The following NBEAL2 variants were observed in gnomAD, a reference collection of about 807,000 sequenced individuals.
The protein encoded by NBEAL2 is neurobeachin like 2, also known as neurobeachin-like protein 2.
NBEAL2 carries 160 observed loss-of-function variants against 299.8 expected under a neutral mutation model. The ratio of observed to expected loss-of-function variants is 0.53; its 90% CI spans 0.47 to 0.61. The LOEUF is 0.61. Among genes scored for constraint, NBEAL2 ranks in the 20% least tolerant of loss-of-function variants. The probability of loss-of-function intolerance (pLI) is 0.00; values close to 1 mark genes in which losing one functional copy is unlikely to be tolerated. For synonymous variants in NBEAL2, 1,493 were observed against 1,542.3 expected, an observed-to-expected ratio of 0.97 and a Z score of 0.75; for missense variants, 3,112 against 3,649.0, an observed-to-expected ratio of 0.85 and a Z score of 3.79.
Position 47,003,685 on chromosome 3 carries a change from G to C in NBEAL2, c.5721-131G>C. The C allele has an allele frequency of 8.1e-7, 1 of 1,239,838 alleles. No individual in the cohort carries two copies. Among genetic ancestry groups the C allele is most frequent in the Non-Finnish European group, 1.1e-6 (1 of 910,612 alleles). The allele number at this position is 1,239,838 out of a possible 1,614,324, so 76.8% of individuals were successfully genotyped here. A position where few individuals can be genotyped will look rare whatever the true frequency, so the allele number is the denominator to read the frequency against. On this transcript the variant is annotated intron_variant, in intron 35 of 53. Coordinates refer to ENST00000450053, the MANE Select transcript of NBEAL2 (RefSeq NM_015175.3). This position sits in a 1 kb window ranked among gnomAD's most constrained non-coding sequence, Gnocchi z 7.0. ...TGGGACCAGTAGGTTCTGGACCCTA[G>C]GCAGCCCCTCCCCATCTCTGGGAGT... is the stretch of plus-strand genomic sequence containing the variant.
At position 47,005,627 on chromosome 3, in the gene NBEAL2, T is replaced by A. The variant is rs1470404050; in HGVS notation, c.6691+8T>A. ...TCCTGGAGAACCAGAACGGTAGGTG[T>A]GAGGTGCTCACACTGGAGCGGGCAG... On this transcript the variant is annotated splice_region_variant and intron_variant, in intron 41 of 53. Transcript: ENST00000450053. The A allele has an allele frequency of 8.1e-6, 13 of 1,613,352 alleles. No homozygotes were observed. The highest frequency in any genetic ancestry group is 1.1e-5 in the Non-Finnish European group (13 of 1,179,788).
At position 46,999,360 on chromosome 3, in the gene NBEAL2, C is replaced by T. The variant is rs199773537; in HGVS notation, c.3589C>T (p.Arg1197Cys). The change falls in exon 25 of 54, where the codon CGC (arginine) becomes TGC (cysteine). Residue 1197 changes from arginine (R) to cysteine (C), a missense_variant. Around this residue, in one of 3 missense-constraint regions of NBEAL2, gnomAD observed 2,243 missense variants for 2,538.1 expected, o/e 0.88. Coordinates refer to ENST00000450053, the MANE Select transcript of NBEAL2 (RefSeq NM_015175.3). Reference sequence around the variant, plus strand: ...GAATGAGCGGCTACCTGAGCGGAGCCGCCAGCGCCTCCGGCTGCGGGAGTG... The same window carrying T: ...GAATGAGCGGCTACCTGAGCGGAGCTGCCAGCGCCTCCGGCTGCGGGAGTG... ...QQNERLPERS[R>C]QRLRLRECGL... 1.7e-5 allele frequency: 28 copies of T among 1,611,180 alleles called. No homozygotes were observed. The highest frequency in any genetic ancestry group is 1.0e-4 in the Admixed American group (6 of 59,814).
At position 46,988,954 on chromosome 3, in the gene NBEAL2, T is replaced by C; in HGVS notation, c.253T>C (p.Phe85Leu). The change falls in exon 3 of 54, where the codon TTC becomes CTC. Residue 85 changes from phenylalanine (F) to leucine (L), a missense_variant. Phe to Leu is a conservative substitution (Grantham distance 22). Transcript: ENST00000450053. The surrounding 1 kb of genome is among the most constrained non-coding windows in gnomAD (Gnocchi z 4.4). Reference sequence around the variant, plus strand: ...GCAAGCCCTCCTGCTGCTCAAGCTCTTCATCATTCTCTGCAGGTGTCTCTG... The same window carrying C: ...GCAAGCCCTCCTGCTGCTCAAGCTCCTCATCATTCTCTGCAGGTGTCTCTG... ...LEQALLLLKL[F>L]IILCRNLENI... 6.2e-7 allele frequency: 1 copy of C among 1,612,676 alleles called. No individual in the cohort carries two copies. Among genetic ancestry groups the C allele is most frequent in the Non-Finnish European group, 8.5e-7 (1 of 1,179,060 alleles).
In NBEAL2 at chr3:46,991,156, G is replaced by A. The variant is rs999200086; in HGVS notation, c.557-63G>A. ...CCCCAGGGCACTCACCTCTTGTGCA[G>A]CCCCCTGGGTCCATAGCCCTGCAAC... On this transcript the variant is annotated intron_variant, in intron 6 of 53. Coordinates refer to ENST00000450053, the MANE Select transcript of NBEAL2 (RefSeq NM_015175.3). This position sits in a 1 kb window ranked among gnomAD's most constrained non-coding sequence, Gnocchi z 6.2. 7 of 1,437,278 alleles carry A rather than the reference G, an allele frequency of 4.9e-6. No homozygotes were observed. Among genetic ancestry groups the A allele is most frequent in the African/African-American group, 1.4e-5 (1 of 70,622 alleles). 89.0% of individuals were successfully genotyped at this position (1,437,278 alleles called of 1,614,324 possible).
Position 46,979,926 on chromosome 3 carries a change from GC to G in NBEAL2, c.51+18del, listed in dbSNP as rs1185765426. 2.7e-6 allele frequency: 1 copy of G among 376,436 alleles called. No homozygotes were observed. 23.3% of individuals were successfully genotyped at this position (376,436 alleles called of 1,614,324 possible). On this transcript the variant is annotated intron_variant, in intron 1 of 53. Transcript: ENST00000450053. The stretch of plus-strand genomic sequence containing the variant: ...TACTACGCGCAGGTGAGCCCGCCCC[GC>G]CCCGCGCCCGCACCCGCACCCGCGG...
In NBEAL2 at chr3:47,004,378, C is replaced by T; in HGVS notation, c.6183C>T (p.Ala2061=). The T allele has an allele frequency of 6.3e-7, 1 of 1,594,166 alleles. No homozygotes were observed. The highest frequency in any genetic ancestry group is 8.6e-7 in the Non-Finnish European group (1 of 1,168,260). ...SSRSPQEMLR[A]SGLTQKWVQR... ...GCTCCCCCCAGGAGATGCTGCGTGC[C>T]TCAGGCCTTACCCAGGTGAGAGCCC... Residue 2061 remains alanine, a synonymous_variant, in exon 37 of 54, where the codon GCC becomes GCT. Transcript: ENST00000450053. The surrounding 1 kb of genome is among the most constrained non-coding windows in gnomAD (Gnocchi z 5.0).
intron 11 of NBEAL2, 135 bp from the exon 12 acceptor site, chr3:46,994,320 C>A: frequency 1.2e-6 from 1 of 811,394 alleles, no homozygotes; most frequent in Non-Finnish European, 2.0e-6. Flanking sequence ...CCACTGCCCA[C>A]CAGCACTGTC....
At chr3:47,008,778 G>A in intron 52 of NBEAL2, 110 bp downstream of exon 52, 1 of 1,522,250 alleles carries the variant, frequency 6.6e-7, no homozygotes. Context: ...CATATTTCAA[G>A]GTTTGTTACC....
In NBEAL2 at chr3:47,009,343, G is replaced by C; in HGVS notation, c.*23G>C. 1 of 1,564,166 alleles carries C rather than the reference G, an allele frequency of 6.4e-7. No homozygotes were observed. On this transcript the variant is annotated 3_prime_UTR_variant, in exon 54 of 54. Coordinates refer to ENST00000450053, the MANE Select transcript of NBEAL2 (RefSeq NM_015175.3). ...TGAACCTGGCCAGTCCGGCTGCTCG[G>C]GCCCCGCCCCCGGCAGGCCTGGCCC... is the stretch of plus-strand genomic sequence containing the variant.
At chr3:46,985,010 G>A (rs2035591181) in intron 1 of NBEAL2, among the ~76,000 whole-genome samples, 1 of 152,182 alleles carries the variant, frequency 6.6e-6, no homozygotes. Context: ...AACGGGGACT[G>A]GACTCCGGAA....
chr3:47,008,801 T>C, intron 52 of NBEAL2, 133 bp downstream of exon 52: 1 of 1,459,462 alleles, frequency 6.9e-7, no homozygotes, highest in Non-Finnish European at 9.3e-7. Context: ...TCCCTTCATC[T>C]TCCCATGGGG....
At position 46,996,739 on chromosome 3, in the gene NBEAL2, C is replaced by T. The variant is rs1330340567; in HGVS notation, c.2474-12C>T. Reference sequence around the variant, plus strand: ...GCCTAGCAAGGTCTGAAGCCCCCTGCCCACCTCCCAGGGCCCAATGAGACG... The same window carrying T: ...GCCTAGCAAGGTCTGAAGCCCCCTGTCCACCTCCCAGGGCCCAATGAGACG... On this transcript the variant is annotated splice_polypyrimidine_tract_variant and intron_variant, in intron 16 of 53. Coordinates refer to ENST00000450053, the MANE Select transcript of NBEAL2 (RefSeq NM_015175.3). The T allele has an allele frequency of 2.5e-6, 4 of 1,610,344 alleles. No individual in the cohort carries two copies. Among genetic ancestry groups the T allele is most frequent in the East Asian group, 2.2e-5 (1 of 44,810 alleles).
Position 47,001,568 on chromosome 3 carries a change from G to A in NBEAL2, c.4645-121G>A. The A allele has an allele frequency of 1.3e-6, 2 of 1,561,304 alleles. No individual in the cohort carries two copies. The highest frequency in any genetic ancestry group is 3.5e-5 in the Admixed American group (2 of 57,042). ...TGCATCAGCATGAATGCCTGTGAGT[G>A]TGGACTTGCCTGTGTGCACAAACCC... On this transcript the variant is annotated intron_variant, in intron 29 of 53. Transcript: ENST00000450053. The surrounding 1 kb of genome is among the most constrained non-coding windows in gnomAD (Gnocchi z 6.1).
At position 47,005,275 on chromosome 3, in the gene NBEAL2, C is replaced by T; in HGVS notation, c.6514C>T (p.Arg2172Cys). The T allele has an allele frequency of 5.0e-6, 8 of 1,613,282 alleles. No homozygotes were observed. The highest frequency in any genetic ancestry group is 1.1e-5 in the South Asian group (1 of 91,070). The change falls in exon 40 of 54, where the codon CGC becomes TGC. Residue 2172 changes from arginine (R) to cysteine (C), a missense_variant. Physicochemically the swap from Arg to Cys is radical, Grantham distance 180 (BLOSUM62 -3). Transcript: ENST00000450053. ...AGCAGGCGTGATGCACTACCTCATC[C>T]GCGTGGAGCCCTTCACCTCCCTGCA... ...NAAGVMHYLI[R>C]VEPFTSLHVQ...
Position 47,004,083 on chromosome 3 carries a change from G to C in NBEAL2, c.5888G>C (p.Gly1963Ala), listed in dbSNP as rs377495432. The change falls in exon 37 of 54, where the codon GGC becomes GCC. Residue 1963 changes from glycine to alanine, a missense_variant. By Grantham distance (60) the Gly-to-Ala change is moderately conservative. Coordinates refer to ENST00000450053, the MANE Select transcript of NBEAL2 (RefSeq NM_015175.3). The surrounding 1 kb of genome is among the most constrained non-coding windows in gnomAD (Gnocchi z 5.0). ...TERVETEEGIGYDFRRPLAQL... is the reference protein window; with the variant it reads ...TERVETEEGIAYDFRRPLAQL... Reference sequence around the variant, plus strand: ...CTGCTGTTCCTCCCCATAGGCATCGGCTATGATTTCCGGCGCCCACTGGCC... The same window carrying C: ...CTGCTGTTCCTCCCCATAGGCATCGCCTATGATTTCCGGCGCCCACTGGCC... The C allele has an allele frequency of 6.2e-7, 1 of 1,612,160 alleles. No homozygotes were observed. Among genetic ancestry groups the C allele is most frequent in the Admixed American group, 1.7e-5 (1 of 59,960 alleles).
Position 46,991,645 on chromosome 3 carries a change from A to G in NBEAL2, c.882A>G (p.Ser294=). ...CTGACTGGCCAGCTGGTCTGAGCTC[A>G]GGCCCCGAAGAGGCCCTTGTCACCC... is the stretch of plus-strand genomic sequence containing the variant. ...LNADWPAGLS[S]GPEEALVTLR... The change falls in exon 8 of 54, where the codon TCA becomes TCG. Residue 294 remains serine, a synonymous_variant. Transcript: ENST00000450053. This position sits in a 1 kb window ranked among gnomAD's most constrained non-coding sequence, Gnocchi z 6.2. The G allele has an allele frequency of 6.3e-7, 1 of 1,599,498 alleles. No homozygotes were observed. Among genetic ancestry groups the G allele is most frequent in the Non-Finnish European group, 8.5e-7 (1 of 1,179,674 alleles).
chr3:46,995,425 A>G lies in NBEAL2; in HGVS notation c.1690A>G (p.Thr564Ala), dbSNP rs1326305763. The change falls in exon 13 of 54, where the codon ACA (threonine) becomes GCA (alanine). Residue 564 changes from threonine (T) to alanine (A), a missense_variant. Thr to Ala is a moderately conservative substitution (Grantham distance 58). This residue lies in a region of NBEAL2 where 2,243 missense variants were observed against 2,538.1 expected (regional missense o/e 0.88). Coordinates refer to ENST00000450053, the MANE Select transcript of NBEAL2 (RefSeq NM_015175.3). ...KARHAGAVIR[T>A]LSGMARHQGP... is the part of the protein sequence containing the mutation. ...CCGACACGCAGGTGCTGTCATCCGC[A>G]CATTATCAGGCATGGCCAGGCACCA... is the stretch of plus-strand genomic sequence containing the variant. The G allele has an allele frequency of 6.2e-7, 1 of 1,612,802 alleles. No individual in the cohort carries two copies. Among genetic ancestry groups the G allele is most frequent in the Non-Finnish European group, 8.5e-7 (1 of 1,179,884 alleles).
chr3:46,996,155 C>T (rs2107346698), intron 15 of NBEAL2, 104 bp downstream of exon 15: 2 of 1,550,148 alleles, frequency 1.3e-6, no homozygotes, highest in East Asian at 4.8e-5. Flanking sequence ...GCCCCACAGG[C>T]CTGACTTTAG....
rs2037576926 is a variant in NBEAL2 at position 47,007,886 on chromosome 3, C to T, written c.7578C>T (p.Cys2526=). 6.2e-7 allele frequency: 1 copy of T among 1,613,484 alleles called. No individual in the cohort carries two copies. The highest frequency in any genetic ancestry group is 1.3e-5 in the African/African-American group (1 of 75,046). Residue 2526 remains cysteine, a synonymous_variant, in exon 49 of 54, where the codon TGC becomes TGT. Transcript: ENST00000450053. The part of the protein sequence containing the change: ...YLISGSRDTT[C]MVWRLLHQGG... ...TCTCAGGCTCCCGGGACACCACGTGCATGGTGTGGCGGCTCCTGCATCAGG... is the reference window on the plus strand; with the variant it reads ...TCTCAGGCTCCCGGGACACCACGTGTATGGTGTGGCGGCTCCTGCATCAGG...
Sources: gnomAD v4.1 joint callset for allele counts (sites outside exome capture counted in the v4.1 genomes callset) on GRCh38, gnomAD v4.1.1 for gene constraint, gnomAD v4.1.1 regional missense constraint, Gnocchi (gnomAD v3.1) non-coding constraint, MANE v1.5 for transcripts, NCBI Gene and HGNC (gene_info 2026-07-23, HGNC 2026-07-21) for gene names.